Variants in METTL16 observed in about 807,000 individuals in gnomAD.
The protein encoded by METTL16 is RNA N(6)-adenosine-methyltransferase METTL16.
A neutral mutation model predicts 57.9 loss-of-function variants in METTL16; 19 were observed. That is an observed-to-expected ratio of 0.33 (90% CI 0.23 to 0.48). The LOEUF is 0.48. Among genes scored for constraint, METTL16 ranks in the 20% least tolerant of loss-of-function variants. The probability of loss-of-function intolerance (pLI) is 0.99; values close to 1 mark genes in which losing one functional copy is unlikely to be tolerated. For missense variants in METTL16, 434 were observed against 691.5 expected (o/e 0.63, Z 4.18); for synonymous variants, 246 against 255.6 (o/e 0.96, Z 0.36).
At chr17:2,491,746 GA>G (rs1483196537) in intron 2 of METTL16, among the ~76,000 whole-genome samples, 5 of 150,492 alleles carry the variant, frequency 3.3e-5, no homozygotes, top group African/African-American at 9.8e-5. Context: ...GTGGTGGTGG[GA>G]GCCTGTAGTT....
At chr17:2,444,542 A>G (rs2066980090) in intron 6 of METTL16, among the ~76,000 whole-genome samples, 1 of 152,184 alleles carries the variant, frequency 6.6e-6, no homozygotes, top group Non-Finnish European at 1.5e-5. Context: ...ATCATAGCAC[A>G]GTTTTAAAAA....
intron 2 of METTL16, among the ~76,000 whole-genome samples, chr17:2,479,690 A>G (rs2067291053): frequency 6.6e-6 from 1 of 152,104 alleles, no homozygotes; most frequent in Non-Finnish European, 1.5e-5. Flanking sequence ...TTGAGTGCCA[A>G]GACAGAAGGA....
At chr17:2,425,340 C>G (rs2066810436) in intron 8 of METTL16, among the ~76,000 whole-genome samples, 1 of 152,104 alleles carries the variant, frequency 6.6e-6, no homozygotes, top group Non-Finnish European at 1.5e-5. Flanking sequence ...ATAAATAATT[C>G]AACATTTTAA....
rs368051016 is a variant in METTL16, at chr17:2,420,456, G to T, written c.1203C>A (p.Asp401Glu). The T allele has an allele frequency of 1.6e-5, 26 of 1,614,084 alleles. No homozygotes were observed. The highest frequency in any genetic ancestry group is 1.5e-4 in the South Asian group (14 of 91,082). The change falls in exon 10 of 10, where the codon GAC becomes GAA. Residue 401 changes from aspartate (D) to glutamate (E), a missense_variant. By Grantham distance (45) the Asp-to-Glu change is conservative (BLOSUM62 2). Transcript: ENST00000263092. The surrounding 1 kb of genome is among the most constrained non-coding windows in gnomAD (Gnocchi z 5.4). Reference sequence around the variant, plus strand: ...TTTTCTCTTCCAAGGCCTGAATGACGTCCTCAGGAGCTCGGGGAACTTCTC... The same window carrying T: ...TTTTCTCTTCCAAGGCCTGAATGACTTCCTCAGGAGCTCGGGGAACTTCTC... ...QLREVPRAPE[D>E]VIQALEEKKP...
At chr17:2,467,145 G>A (rs75645959) in intron 5 of METTL16, among the ~76,000 whole-genome samples, 2,172 of 152,046 alleles carry the variant, frequency 0.014, 53 homozygotes, top group African/African-American at 0.048. Context: ...TCCACGATGC[G>A]GAACCCACAG....
chr17:2,493,132 T>C (rs868088216), intron 2 of METTL16, among the ~76,000 whole-genome samples: 17 of 148,686 alleles, frequency 1.1e-4, no homozygotes, highest in African/African-American at 3.2e-4. Flanking sequence ...GATTCTTCTT[T>C]TTTTTTTTTT....
chr17:2,447,916 C>G (rs2067022148), intron 6 of METTL16, among the ~76,000 whole-genome samples: 1 of 107,092 alleles, frequency 9.3e-6, no homozygotes, highest in Non-Finnish European at 1.9e-5. Flanking sequence ...GGTCAGCCCC[C>G]CGCCCGGCCA....
intron 4 of METTL16, among the ~76,000 whole-genome samples, chr17:2,471,027 A>G (rs988608696): frequency 1.3e-5 from 2 of 152,244 alleles, no homozygotes; most frequent in Non-Finnish European, 2.9e-5. Flanking sequence ...GATCAACAGA[A>G]GAGAATAGAT....
chr17:2,452,659 A>G (rs2067079530), intron 6 of METTL16, among the ~76,000 whole-genome samples: 1 of 152,182 alleles, frequency 6.6e-6, no homozygotes. Context: ...TCAAACTTTC[A>G]GAAGAGTTGC....
At chr17:2,497,305 CTTTTT>C (rs781130501) in intron 2 of METTL16, among the ~76,000 whole-genome samples, 45 of 63,784 alleles carry the variant, frequency 7.1e-4, no homozygotes, top group African/African-American at 1.5e-3. Context: ...TGCACCCGGC[CTTTTT>C]TTTTTTTTTT....
chr17:2,423,695 C>G (rs2066786396), intron 8 of METTL16, among the ~76,000 whole-genome samples: 1 of 152,142 alleles, frequency 6.6e-6, no homozygotes, highest in Non-Finnish European at 1.5e-5. Context: ...GCTAAAAGGG[C>G]AGCACTTCCC....
At chr17:2,450,700 C>T (rs1474562360) in intron 6 of METTL16, among the ~76,000 whole-genome samples, 1 of 152,146 alleles carries the variant, frequency 6.6e-6, no homozygotes, top group Non-Finnish European at 1.5e-5. Context: ...ACTAACAATA[C>T]ATATTCTGTC....
In METTL16 at chr17:2,417,657, T is replaced by C. The variant is rs918259420; in HGVS notation, c.*2313A>G. On this transcript the variant is annotated 3_prime_UTR_variant, in exon 10 of 10. Coordinates refer to ENST00000263092, the MANE Select transcript of METTL16 (RefSeq NM_024086.4). ...CAAAGGACCAGAATACAAAACTGAA[T>C]ACGCAGCATGAGGACAACCAAAGTT... The C allele has an allele frequency of 6.6e-6, 1 of 152,150 alleles. No individual in the cohort carries two copies. The highest frequency in any genetic ancestry group is 1.5e-5 in the Non-Finnish European group (1 of 68,048). 9.4% of individuals were successfully genotyped at this position (152,150 alleles called of 1,614,324 possible).
intron 1 of METTL16, among the ~76,000 whole-genome samples, chr17:2,509,924 A>T (rs1472270464): frequency 4.0e-5 from 6 of 151,714 alleles, no homozygotes; most frequent in Admixed American, 2.6e-4. Flanking sequence ...AAAAAAAAAA[A>T]AAATTAGCTG....
At chr17:2,486,896 C>T (rs1358908147) in intron 2 of METTL16, among the ~76,000 whole-genome samples, 3 of 144,804 alleles carry the variant, frequency 2.1e-5, no homozygotes, top group East Asian at 2.2e-4. Flanking sequence ...GGGAGTAGGG[C>T]GCGGTACTGA....
intron 2 of METTL16, among the ~76,000 whole-genome samples, chr17:2,501,964 G>C (rs1842923292): frequency 6.6e-6 from 1 of 152,186 alleles, no homozygotes; most frequent in South Asian, 2.1e-4. Flanking sequence ...CGTAGGGTAA[G>C]CAACAATTTG....
chr17:2,502,150 T>C lies in METTL16; in HGVS notation c.128+54A>G, dbSNP rs2067493508. 4.4e-6 allele frequency: 7 copies of C among 1,583,054 alleles called. No homozygotes were observed. In the South Asian group the frequency reaches 7.9e-5, roughly 18 times the overall value. The stretch of plus-strand genomic sequence containing the variant: ...ACACTCAGGTGGGCTTTCTATTACA[T>C]CATATCCATTTGAATCACACAAGAA... On this transcript the variant is annotated intron_variant, in intron 2 of 9. Coordinates refer to ENST00000263092, the MANE Select transcript of METTL16 (RefSeq NM_024086.4).
intron 6 of METTL16, among the ~76,000 whole-genome samples, chr17:2,457,317 G>A (rs1397464448): frequency 7.5e-5 from 9 of 119,974 alleles, no homozygotes; most frequent in African/African-American, 1.7e-4. Flanking sequence ...CAACATGGAC[G>A]ACAGAGCGAG....
At chr17:2,483,345 C>T (rs1391391115) in intron 2 of METTL16, among the ~76,000 whole-genome samples, 1 of 152,048 alleles carries the variant, frequency 6.6e-6, no homozygotes, top group Admixed American at 6.6e-5. Context: ...TGATGGAGGT[C>T]AAGAGAATAA....
Sources: gnomAD v4.1 joint callset for allele counts (sites outside exome capture counted in the v4.1 genomes callset) on GRCh38, gnomAD v4.1.1 for gene constraint, Gnocchi (gnomAD v3.1) non-coding constraint, MANE v1.5 for transcripts, NCBI Gene and HGNC (gene_info 2026-07-23, HGNC 2026-07-21) for gene names.